PARG: variants seen among roughly 807,000 people sequenced by gnomAD.
The protein encoded by PARG is mitochondrial poly(ADP-ribose) glycohydrolase.
In PARG, 35 loss-of-function variants were observed where a neutral mutation model predicts 113.0. The ratio of observed to expected loss-of-function variants is 0.31; its 90% CI spans 0.24 to 0.41. PARG has a LOEUF of 0.41. Ranked by LOEUF, PARG falls within the 10% of genes least tolerant of loss-of-function variation. The pLI, the probability that PARG is intolerant of heterozygous loss-of-function variation, is 1.00. For synonymous variants in PARG, 330 were observed against 409.9 expected, an observed-to-expected ratio of 0.81 and a Z score of 2.36; for missense variants, 797 against 1,169.4, an observed-to-expected ratio of 0.68 and a Z score of 4.64.
intron 15 of PARG, among the ~76,000 whole-genome samples, chr10:49,838,200 G>C (rs1404711269): frequency 1.3e-5 from 2 of 152,052 alleles, no homozygotes; most frequent in Non-Finnish European, 2.9e-5. Context: ...GGAGGCCGAA[G>C]CGTGTGGATC....
Position 49,842,045 on chromosome 10 carries a change from G to A in PARG, c.2446C>T (p.Arg816Trp), listed in dbSNP as rs1554832457. 6.5e-7 allele frequency: 1 copy of A among 1,548,494 alleles called. No homozygotes were observed. Among genetic ancestry groups the A allele is most frequent in the Admixed American group, 2.0e-5 (1 of 50,996 alleles). Residue 816 changes from arginine (R) to tryptophan (W), a missense_variant, in exon 15 of 18, where the codon CGG (arginine) becomes TGG (tryptophan). Around this residue, in one of 5 missense-constraint regions of PARG, gnomAD observed 194 missense variants for 247.1 expected, o/e 0.79. Transcript: ENST00000616448. ...EDGSERDDWQ[R>W]RCTEIVAIDA... is the part of the protein sequence containing the mutation. ...ATGGCAACGATCTCAGTGCAGCGCC[G>A]CTGCCAGTCGTCCCTGGGACAGGAA...
chr10:49,829,029 G>C (rs1366005710), intron 16 of PARG, among the ~76,000 whole-genome samples: 1 of 152,200 alleles, frequency 6.6e-6, no homozygotes, highest in Non-Finnish European at 1.5e-5. Flanking sequence ...TAGGTCAGGA[G>C]TTCGAGACCA....
intron 7 of PARG, among the ~76,000 whole-genome samples, chr10:49,912,813 A>C (rs1298925643): frequency 6.6e-6 from 1 of 151,970 alleles, no homozygotes; most frequent in Non-Finnish European, 1.5e-5. Context: ...AAAAAAATAC[A>C]AAAAACTAGC....
intron 7 of PARG, 67 bp from the exon 8 acceptor site, chr10:49,885,362 T>A: frequency 9.8e-7 from 1 of 1,015,802 alleles, no homozygotes; most frequent in Non-Finnish European, 1.5e-6. Context: ...AATGAATATG[T>A]TTGTTATGAA....
At chr10:49,854,537 C>T (rs1403955736) in intron 13 of PARG, among the ~76,000 whole-genome samples, 2 of 151,364 alleles carry the variant, frequency 1.3e-5, no homozygotes, top group South Asian at 2.1e-4. Context: ...AGGGCTCATG[C>T]GTGCCCATGG....
At chr10:49,917,829 A>AG (rs1554848084) in intron 6 of PARG, among the ~76,000 whole-genome samples, 1 of 77,668 alleles carries the variant, frequency 1.3e-5, no homozygotes, top group African/African-American at 4.4e-5. Flanking sequence ...GAAAAAAAAA[A>AG]AAAAGAAAGA....
intron 7 of PARG, among the ~76,000 whole-genome samples, chr10:49,895,806 G>T (rs1554842632): frequency 2.0e-5 from 3 of 152,044 alleles, no homozygotes; most frequent in Non-Finnish European, 4.4e-5. Flanking sequence ...ATGTTTTACG[G>T]TCTTCAAGAT....
intron 16 of PARG, among the ~76,000 whole-genome samples, chr10:49,826,568 G>A (rs1472348411): frequency 6.6e-6 from 1 of 152,264 alleles, no homozygotes; most frequent in Non-Finnish European, 1.5e-5. Flanking sequence ...CATTATTTAA[G>A]TTTGATATAA....
intron 13 of PARG, among the ~76,000 whole-genome samples, chr10:49,847,548 C>A (rs568227121): frequency 7.6e-4 from 116 of 152,160 alleles, no homozygotes; most frequent in Non-Finnish European, 1.3e-3. Context: ...ACTAGCCTAT[C>A]CACTTGAGAA....
At chr10:49,874,725 G>T (rs1293511920) in intron 9 of PARG, among the ~76,000 whole-genome samples, 3 of 150,002 alleles carry the variant, frequency 2.0e-5, no homozygotes, top group Non-Finnish European at 3.0e-5. Context: ...GTGGTGGTGG[G>T]TGCCTGTAGT....
chr10:49,820,376 A>T, intron 16 of PARG, 83 bp from the exon 17 acceptor site: 1 of 896,480 alleles, frequency 1.1e-6, no homozygotes, highest in South Asian at 1.7e-5. Context: ...GGTGTGCCAC[A>T]GCTTCATCCT....
chr10:49,929,683 A>T (rs1344907027), intron 4 of PARG, among the ~76,000 whole-genome samples: 1 of 152,136 alleles, frequency 6.6e-6, no homozygotes, highest in East Asian at 1.9e-4. Context: ...AAAATTAGCC[A>T]GGCGTGGTGG....
intron 16 of PARG, among the ~76,000 whole-genome samples, chr10:49,825,386 T>C (rs1425787894): frequency 2.0e-5 from 3 of 152,132 alleles, no homozygotes; most frequent in Admixed American, 1.3e-4. Flanking sequence ...ACGGATTAAA[T>C]AACAAAAGCA....
At chr10:49,867,792 A>C (rs1846591466) in intron 10 of PARG, among the ~76,000 whole-genome samples, 1 of 151,580 alleles carries the variant, frequency 6.6e-6, no homozygotes, top group Admixed American at 6.6e-5. Flanking sequence ...AAGTATCTGA[A>C]ATCCTAAAAT....
chr10:49,902,422 C>G (rs1285129772), intron 7 of PARG, among the ~76,000 whole-genome samples: 3 of 152,184 alleles, frequency 2.0e-5, no homozygotes, highest in Admixed American at 6.5e-5. Flanking sequence ...AATCTATCAT[C>G]TAGGGCATTC....
chr10:49,921,168 T>C (rs2812996), intron 6 of PARG, among the ~76,000 whole-genome samples: 2 of 152,160 alleles, frequency 1.3e-5, no homozygotes, highest in Non-Finnish European at 2.9e-5. Context: ...GTAGATAAAT[T>C]ACTGATCCCC....
At position 49,819,566 on chromosome 10, in the gene PARG, A is replaced by G. The variant is rs1843965378; in HGVS notation, c.2777-72T>C. The G allele has an allele frequency of 7.9e-6, 9 of 1,133,346 alleles. No individual in the cohort carries two copies. In the South Asian group the frequency reaches 1.0e-4, roughly 13 times the overall value. The allele number at this position is 1,133,346 out of a possible 1,614,324, so 70.2% of individuals were successfully genotyped here. The stretch of plus-strand genomic sequence containing the variant: ...GAAAAAACCTTAGAAAGAACACTCC[A>G]GTTTTATCTTAATCTAAATGGCATA... On this transcript the variant is annotated intron_variant, in intron 17 of 17. Coordinates refer to ENST00000616448, the MANE Select transcript of PARG (RefSeq NM_003631.5).
chr10:49,919,971 TC>T (rs1837707325), intron 6 of PARG, among the ~76,000 whole-genome samples: 1 of 152,174 alleles, frequency 6.6e-6, no homozygotes. Context: ...AAAGAATTTC[TC>T]AGCATACTAT....
rs1168657604 is a variant in PARG at position 49,829,240 on chromosome 10, TA to T, written c.2647+3562del. Among the ~76,000 whole-genome samples, 316 of 144,018 alleles carry T rather than the reference TA, an allele frequency of 2.2e-3. 3 individuals are homozygous for T. The highest frequency in any genetic ancestry group is 2.3e-3 in the African/African-American group (91 of 39,578). 94.5% of individuals were successfully genotyped at this position (144,018 alleles called of 152,430 possible). On this transcript the variant is annotated intron_variant, in intron 16 of 17. Coordinates refer to ENST00000616448, the MANE Select transcript of PARG (RefSeq NM_003631.5). ...GACAGTGCAAGACTCCGTCTCAAAATAAAAAAAAAAAAATTTGCCTTCTTTC... is the reference window on the plus strand; with the variant it reads ...GACAGTGCAAGACTCCGTCTCAAAATAAAAAAAAAAAATTTGCCTTCTTTC...
Sources: allele counts gnomAD v4.1 joint callset (sites outside exome capture counted in the v4.1 genomes callset), GRCh38; gene constraint gnomAD v4.1.1; regional missense constraint gnomAD v4.1.1; transcripts MANE v1.5; gene names NCBI Gene and HGNC (gene_info 2026-07-23, HGNC 2026-07-21).